Variants in SGPL1 observed in about 807,000 individuals in gnomAD.
SGPL1 encodes the protein SP-lyase 1.
Under a neutral mutation model 68.9 loss-of-function variants are expected in SGPL1, and 37 were observed. The observed-to-expected ratio is 0.54, with a 90% CI of 0.41 to 0.71. SGPL1 has a LOEUF of 0.71. Ranked by LOEUF, SGPL1 falls within the 30% of genes least tolerant of loss-of-function variation. The pLI, the probability that SGPL1 is intolerant of heterozygous loss-of-function variation, is 0.00. For missense variants in SGPL1, 551 were observed against 704.6 expected, an observed-to-expected ratio of 0.78 and a Z score of 2.47; for synonymous variants, 236 against 248.5, an observed-to-expected ratio of 0.95 and a Z score of 0.47.
intron 2 of SGPL1, among the ~76,000 whole-genome samples, 153 bp downstream of exon 2, chr10:70,817,033 T>G (rs896924072): frequency 2.6e-5 from 4 of 152,220 alleles, no homozygotes; most frequent in Admixed American, 2.0e-4. Flanking sequence ...TGTTTTGTTT[T>G]TTTGGAGACG....
intron 14 of SGPL1, 93 bp from the exon 15 acceptor site, chr10:70,877,102 C>T: frequency 7.7e-7 from 1 of 1,296,830 alleles, no homozygotes; most frequent in Non-Finnish European, 1.1e-6. Flanking sequence ...ACATGCGAAG[C>T]TAGGACTCGG....
chr10:70,876,680 T>C lies in SGPL1; in HGVS notation c.1566+19T>C. ...AGGAATGGTAGGGACACTTGGAGTT[T>C]TTTTTCTTCTCTTGGAAATTTAGGT... is the stretch of plus-strand genomic sequence containing the variant. On this transcript the variant is annotated intron_variant, in intron 14 of 14. Transcript: ENST00000373202. 6.2e-7 allele frequency: 1 copy of C among 1,601,458 alleles called. No individual in the cohort carries two copies. Among genetic ancestry groups the C allele is most frequent in the Non-Finnish European group, 8.5e-7 (1 of 1,176,004 alleles).
chr10:70,864,467 T>C (rs1331377734), intron 7 of SGPL1, among the ~76,000 whole-genome samples: 1 of 152,228 alleles, frequency 6.6e-6, no homozygotes, highest in African/African-American at 2.4e-5. Flanking sequence ...ATTTTATTCC[T>C]TGCTGTTCCT....
chr10:70,846,465 T>G (rs1845793954), intron 3 of SGPL1, among the ~76,000 whole-genome samples: 1 of 152,208 alleles, frequency 6.6e-6, no homozygotes, highest in Non-Finnish European at 1.5e-5. Context: ...CTTTAACCAT[T>G]TTTAAGTGTA....
intron 2 of SGPL1, among the ~76,000 whole-genome samples, chr10:70,841,912 A>C (rs1017729529): frequency 2.0e-5 from 3 of 152,132 alleles, no homozygotes; most frequent in Non-Finnish European, 4.4e-5. Flanking sequence ...AACTGTTAAC[A>C]TCATAGTTAA....
intron 4 of SGPL1, among the ~76,000 whole-genome samples, chr10:70,851,461 C>T (rs192545273): frequency 1.1e-4 from 16 of 151,780 alleles, no homozygotes; most frequent in Admixed American, 8.5e-4. Context: ...GCAGCCCCCC[C>T]CCACCCACCA....
chr10:70,836,350 G>A (rs994360843), intron 2 of SGPL1, among the ~76,000 whole-genome samples: 3 of 152,140 alleles, frequency 2.0e-5, no homozygotes, highest in Non-Finnish European at 2.9e-5. Context: ...AGCCCAGAGC[G>A]ATGGTTCCAA....
chr10:70,817,602 T>A (rs1279571859), intron 2 of SGPL1, among the ~76,000 whole-genome samples: 4 of 152,172 alleles, frequency 2.6e-5, no homozygotes, highest in African/African-American at 7.2e-5. Flanking sequence ...CTCTCCTGGC[T>A]TTCTTTTTCA....
At chr10:70,857,713 A>T (rs1845988633) in intron 6 of SGPL1, 23 bp downstream of exon 6, 1 of 1,568,214 alleles carries the variant, frequency 6.4e-7, no homozygotes, top group African/African-American at 1.4e-5. Context: ...TTCTTGAGGG[A>T]AGCCTGTGAG....
At chr10:70,855,655 T>A (rs1379370010) in intron 5 of SGPL1, among the ~76,000 whole-genome samples, 1 of 152,228 alleles carries the variant, frequency 6.6e-6, no homozygotes, top group African/African-American at 2.4e-5. Context: ...ACATTATTGC[T>A]ATTATTAACT....
intron 6 of SGPL1, 54 bp from the exon 7 acceptor site, chr10:70,859,317 T>C (rs1319255316): frequency 7.9e-7 from 1 of 1,272,192 alleles, no homozygotes; most frequent in Non-Finnish European, 1.0e-6. Context: ...CATGATTCTT[T>C]GTCCTGTATA....
Position 70,880,920 on chromosome 10 carries a change from C to T in SGPL1, c.*3585C>T, listed in dbSNP as rs1846485012. On this transcript the variant is annotated 3_prime_UTR_variant, in exon 15 of 15. Transcript: ENST00000373202. The stretch of plus-strand genomic sequence containing the variant: ...AGCTGTACGTCAGCCCCTTGGCCTT[C>T]TCTGTAGGTTCTTGGCAGCAATGAG... 6.6e-6 allele frequency: 1 copy of T among 152,152 alleles called. No individual in the cohort carries two copies. The highest frequency in any genetic ancestry group is 1.5e-5 in the Non-Finnish European group (1 of 68,052). 9.4% of individuals were successfully genotyped at this position (152,152 alleles called of 1,614,324 possible). A position where few individuals can be genotyped will look rare whatever the true frequency, so the allele number is the denominator to read the frequency against.
intron 3 of SGPL1, among the ~76,000 whole-genome samples, chr10:70,847,398 C>T (rs1845809141): frequency 6.6e-6 from 1 of 152,184 alleles, no homozygotes; most frequent in Non-Finnish European, 1.5e-5. Flanking sequence ...ATCCGCCCAC[C>T]TCAACCTCCC....
intron 2 of SGPL1, among the ~76,000 whole-genome samples, chr10:70,827,057 T>C (rs1159675494): frequency 6.6e-6 from 1 of 152,232 alleles, no homozygotes; most frequent in Non-Finnish European, 1.5e-5. Flanking sequence ...AGGAGTGGAA[T>C]TGCTGATTGT....
chr10:70,843,918 T>C (rs999162407), intron 2 of SGPL1, among the ~76,000 whole-genome samples: 1 of 152,264 alleles, frequency 6.6e-6, no homozygotes, highest in African/African-American at 2.4e-5. Flanking sequence ...TTACATTGTG[T>C]TGGAACACAG....
chr10:70,852,278 A>G (rs1208767403), intron 4 of SGPL1, among the ~76,000 whole-genome samples: 1 of 152,232 alleles, frequency 6.6e-6, no homozygotes, highest in Admixed American at 6.5e-5. Flanking sequence ...ATCCATTCAG[A>G]TCGCTGTGCT....
chr10:70,877,647 T>C lies in SGPL1; in HGVS notation c.*312T>C. On this transcript the variant is annotated 3_prime_UTR_variant, in exon 15 of 15. Transcript: ENST00000373202. The stretch of plus-strand genomic sequence containing the variant: ...TCAACTTTACTTAAACATTGTGTGG[T>C]AGCTCTGACCTGTCCTGATTCTTTA... 1 of 291,112 alleles carries C rather than the reference T, an allele frequency of 3.4e-6. No homozygotes were observed. Among genetic ancestry groups the C allele is most frequent in the Non-Finnish European group, 6.6e-6 (1 of 151,052 alleles). 18.0% of individuals were successfully genotyped at this position (291,112 alleles called of 1,614,324 possible).
Position 70,844,562 on chromosome 10 carries a change from C to T in SGPL1, c.117C>T (p.Pro39=), listed in dbSNP as rs1055928096. 4 of 1,614,062 alleles carry T rather than the reference C, an allele frequency of 2.5e-6. No individual in the cohort carries two copies. The highest frequency in any genetic ancestry group is 3.4e-6 in the Non-Finnish European group (4 of 1,180,020). Residue 39 remains proline, a synonymous_variant, in exon 3 of 15, where the codon CCC becomes CCT. Transcript: ENST00000373202. ...ATGGACATTGCACCAAGTATGAGCCCTGGCAGCTAATTGCATGGAGTGTCG... is the reference window on the plus strand; with the variant it reads ...ATGGACATTGCACCAAGTATGAGCCTTGGCAGCTAATTGCATGGAGTGTCG... The part of the protein sequence containing the change: ...YVNGHCTKYE[P]WQLIAWSVVW...
intron 3 of SGPL1, 57 bp from the exon 4 acceptor site, chr10:70,851,086 T>G: frequency 7.3e-7 from 1 of 1,375,846 alleles, no homozygotes; most frequent in South Asian, 1.2e-5. Context: ...GGTTGCTATA[T>G]GCCAGGTCAT....
Sources: gnomAD v4.1 joint callset for allele counts (sites outside exome capture counted in the v4.1 genomes callset) on GRCh38, gnomAD v4.1.1 for gene constraint, MANE v1.5 for transcripts, NCBI Gene and HGNC (gene_info 2026-07-23, HGNC 2026-07-21) for gene names.